The following PRNP variants were observed in gnomAD, a reference collection of about 807,000 sequenced individuals.
PRNP encodes the protein major prion protein.
A neutral mutation model predicts 21.3 loss-of-function variants in PRNP; 15 were observed. The observed-to-expected ratio is 0.71, with a 90% CI of 0.47 to 1.09. PRNP has a LOEUF of 1.09. Ranked by LOEUF, PRNP falls within the 50% of genes least tolerant of loss-of-function variation. The probability of loss-of-function intolerance (pLI) is 0.00; values close to 1 mark genes in which losing one functional copy is unlikely to be tolerated. For synonymous variants in PRNP, 121 were observed against 123.1 expected, an observed-to-expected ratio of 0.98 and a Z score of 0.11; for missense variants, 285 against 340.9, an observed-to-expected ratio of 0.84 and a Z score of 1.29.
rs762782379 is a variant in PRNP at position 4,699,733 on chromosome 20, C to G, written c.513C>G (p.Asn171Lys). 1.9e-6 allele frequency: 3 copies of G among 1,614,006 alleles called. No individual in the cohort carries two copies. Among genetic ancestry groups the G allele is most frequent in the Non-Finnish European group, 2.5e-6 (3 of 1,179,998 alleles). The change falls in exon 2 of 2, where the codon AAC becomes AAG. Residue 171 changes from asparagine (N) to lysine (K), a missense_variant. Asn to Lys is a moderately conservative substitution (Grantham distance 94). Coordinates refer to ENST00000379440, the MANE Select transcript of PRNP (RefSeq NM_000311.5). The surrounding 1 kb of genome is among the most constrained non-coding windows in gnomAD (Gnocchi z 5.8). ...VYYRPMDEYS[N>K]QNNFVHDCVN... ...ACAGGCCCATGGATGAGTACAGCAA[C>G]CAGAACAACTTTGTGCACGACTGCG...
intron 1 of PRNP, among the ~76,000 whole-genome samples, chr20:4,688,480 A>C (rs998617659): frequency 4.6e-5 from 7 of 152,190 alleles, no homozygotes; most frequent in Admixed American, 6.5e-5. Context: ...CAATCTGGTG[A>C]TGCATTAAGA....
rs901644023 is a variant in PRNP, at chr20:4,700,585, G to A, written c.*603G>A. 8.7e-6 allele frequency: 2 copies of A among 230,346 alleles called. No homozygotes were observed. The highest frequency in any genetic ancestry group is 2.3e-5 in the African/African-American group (1 of 42,952). The allele number at this position is 230,346 out of a possible 1,614,324, so 14.3% of individuals were successfully genotyped here. On this transcript the variant is annotated 3_prime_UTR_variant, in exon 2 of 2. Coordinates refer to ENST00000379440, the MANE Select transcript of PRNP (RefSeq NM_000311.5). The surrounding 1 kb of genome is among the most constrained non-coding windows in gnomAD (Gnocchi z 4.1). ...TGATGTTTTACTTTTCACAGTATGG[G>A]CTACACAGCAGCTGTTCAACAAGAG...
intron 1 of PRNP, among the ~76,000 whole-genome samples, chr20:4,689,378 T>C (rs1921678217): frequency 6.6e-6 from 1 of 152,242 alleles, no homozygotes; most frequent in African/African-American, 2.4e-5. Context: ...TGACACCTCA[T>C]TGCATCATCA....
chr20:4,693,994 C>T (rs968057764), intron 1 of PRNP, among the ~76,000 whole-genome samples: 9 of 148,584 alleles, frequency 6.1e-5, no homozygotes, highest in African/African-American at 2.0e-4. Flanking sequence ...CCCAGCTACT[C>T]AGGAGGATCA....
intron 1 of PRNP, among the ~76,000 whole-genome samples, chr20:4,688,689 T>C (rs183265913): frequency 0.02 from 3,025 of 152,296 alleles, 91 homozygotes; most frequent in African/African-American, 0.066. Flanking sequence ...ATGTAACCAC[T>C]AAAAATCATG....
At position 4,699,447 on chromosome 20, in the gene PRNP, C is replaced by G. The variant is rs778667313; in HGVS notation, c.227C>G (p.Pro76Arg). 6.2e-7 allele frequency: 1 copy of G among 1,610,428 alleles called. No individual in the cohort carries two copies. Among genetic ancestry groups the G allele is most frequent in the Non-Finnish European group, 8.5e-7 (1 of 1,178,360 alleles). ...GQPHGGGWGQ[P>R]HGGGWGQPHG... The stretch of plus-strand genomic sequence containing the variant: ...CCTCATGGTGGTGGCTGGGGGCAGC[C>G]CCATGGTGGTGGCTGGGGACAGCCT... Residue 76 changes from proline to arginine, a missense_variant, in exon 2 of 2, where the codon CCC becomes CGC. Pro to Arg is a moderately radical substitution (Grantham distance 103). Coordinates refer to ENST00000379440, the MANE Select transcript of PRNP (RefSeq NM_000311.5). This position sits in a 1 kb window ranked among gnomAD's most constrained non-coding sequence, Gnocchi z 5.8.
intron 1 of PRNP, among the ~76,000 whole-genome samples, chr20:4,694,186 C>G (rs1447555361): frequency 1.3e-5 from 2 of 151,208 alleles, no homozygotes; most frequent in Non-Finnish European, 1.5e-5. Flanking sequence ...TCAGTTCTAG[C>G]CTTCTATTTT....
chr20:4,688,249 G>A (rs1002838123), intron 1 of PRNP, among the ~76,000 whole-genome samples: 1 of 152,176 alleles, frequency 6.6e-6, no homozygotes, highest in Admixed American at 6.5e-5. Context: ...CTTGCTGGAA[G>A]GTTGCCCAAA....
Position 4,697,754 on chromosome 20 carries a change from C to T in PRNP, c.-10-1457C>T, listed in dbSNP as rs1172214978. 6.6e-6 allele frequency among the ~76,000 whole-genome samples: 1 copy of T among 152,178 alleles called. No homozygotes were observed. Among genetic ancestry groups the T allele is most frequent in the East Asian group, 1.9e-4 (1 of 5,206 alleles). On this transcript the variant is annotated intron_variant, in intron 1 of 1. Transcript: ENST00000379440. This position sits in a 1 kb window ranked among gnomAD's most constrained non-coding sequence, Gnocchi z 4.6. ...ATATTAAGAGGAGAGCGCTCAATGGCAGCCAGGGGAGGAGCAGGGAGGCTG... is the reference window on the plus strand; with the variant it reads ...ATATTAAGAGGAGAGCGCTCAATGGTAGCCAGGGGAGGAGCAGGGAGGCTG...
At position 4,699,500 on chromosome 20, in the gene PRNP, G is replaced by A; in HGVS notation, c.280G>A (p.Gly94Ser). 2 of 1,613,808 alleles carry A rather than the reference G, an allele frequency of 1.2e-6. No homozygotes were observed. Among genetic ancestry groups the A allele is most frequent in the Non-Finnish European group, 1.7e-6 (2 of 1,179,890 alleles). The change falls in exon 2 of 2, where the codon GGC becomes AGC. Residue 94 changes from glycine (G) to serine (S), a missense_variant. Transcript: ENST00000379440. The surrounding 1 kb of genome is among the most constrained non-coding windows in gnomAD (Gnocchi z 5.8). Reference protein sequence around the residue: ...PHGGGWGQGGGTHSQWNKPSK... With the variant: ...PHGGGWGQGGSTHSQWNKPSK... ...TGGTGGTGGCTGGGGTCAAGGAGGT[G>A]GCACCCACAGTCAGTGGAACAAGCC...
chr20:4,699,915 T>C lies in PRNP; in HGVS notation c.695T>C (p.Met232Thr). Residue 232 changes from methionine to threonine, a missense_variant, in exon 2 of 2, where the codon ATG (methionine) becomes ACG (threonine). Physicochemically the swap from Met to Thr is moderately conservative, Grantham distance 81. Transcript: ENST00000379440. The surrounding 1 kb of genome is among the most constrained non-coding windows in gnomAD (Gnocchi z 5.8). ...SQAYYQRGSS[M>T]VLFSSPPVIL... ...GCCTATTACCAGAGAGGATCGAGCATGGTCCTCTTCTCCTCTCCACCTGTG... is the reference window on the plus strand; with the variant it reads ...GCCTATTACCAGAGAGGATCGAGCACGGTCCTCTTCTCCTCTCCACCTGTG... 1 of 1,613,938 alleles carries C rather than the reference T, an allele frequency of 6.2e-7. No homozygotes were observed. Among genetic ancestry groups the C allele is most frequent in the Non-Finnish European group, 8.5e-7 (1 of 1,179,922 alleles).
intron 1 of PRNP, among the ~76,000 whole-genome samples, chr20:4,689,220 C>G (rs1921669149): frequency 6.6e-6 from 1 of 152,140 alleles, no homozygotes; most frequent in Non-Finnish European, 1.5e-5. Context: ...TCTAGTTTAG[C>G]TGAACCACAA....
chr20:4,695,938 A>T (rs1922140366), intron 1 of PRNP, among the ~76,000 whole-genome samples: 2 of 152,218 alleles, frequency 1.3e-5, no homozygotes, highest in Non-Finnish European at 2.9e-5. Context: ...GTCAGCACAC[A>T]TCAAGTCCCT....
At position 4,700,286 on chromosome 20, in the gene PRNP, G is replaced by A; in HGVS notation, c.*304G>A. On this transcript the variant is annotated 3_prime_UTR_variant, in exon 2 of 2. Transcript: ENST00000379440. This position sits in a 1 kb window ranked among gnomAD's most constrained non-coding sequence, Gnocchi z 4.1. ...TTTGGACTTAGTGCAACAGGTTGAG[G>A]CTAAAACAAATCTCAGAACAGTCTG... is the stretch of plus-strand genomic sequence containing the variant. 5.4e-6 allele frequency: 4 copies of A among 736,856 alleles called. No homozygotes were observed. The South Asian group carries it at 6.1e-5, about 11-fold the overall frequency. The allele number at this position is 736,856 out of a possible 1,614,324, so 45.6% of individuals were successfully genotyped here.
In PRNP at chr20:4,699,150, G is replaced by T; in HGVS notation, c.-10-61G>T. 4 of 1,588,366 alleles carry T rather than the reference G, an allele frequency of 2.5e-6. No individual in the cohort carries two copies. Among genetic ancestry groups the T allele is most frequent in the Non-Finnish European group, 3.5e-6 (4 of 1,157,750 alleles). ...TGCTATGCACTCATTCATTATGCAG[G>T]AAACATTTAGTAATTTCAACATAAA... On this transcript the variant is annotated intron_variant, in intron 1 of 1. Transcript: ENST00000379440. The surrounding 1 kb of genome is among the most constrained non-coding windows in gnomAD (Gnocchi z 5.8).
rs768562045 is a variant in PRNP at position 4,699,821 on chromosome 20, A to T, written c.601A>T (p.Thr201Ser). Reference sequence around the variant, plus strand: ...CACCAAGGGGGAGAACTTCACCGAGACCGACGTTAAGATGATGGAGCGCGT... The same window carrying T: ...CACCAAGGGGGAGAACTTCACCGAGTCCGACGTTAAGATGATGGAGCGCGT... ...TTTKGENFTE[T>S]DVKMMERVVE... The change falls in exon 2 of 2, where the codon ACC (threonine) becomes TCC (serine). Residue 201 changes from threonine to serine, a missense_variant. Physicochemically the swap from Thr to Ser is moderately conservative, Grantham distance 58. Transcript: ENST00000379440. This position sits in a 1 kb window ranked among gnomAD's most constrained non-coding sequence, Gnocchi z 5.8. 1 of 1,613,956 alleles carries T rather than the reference A, an allele frequency of 6.2e-7. No individual in the cohort carries two copies. The highest frequency in any genetic ancestry group is 1.7e-5 in the Admixed American group (1 of 59,994).
rs1256825777 is a variant in PRNP at position 4,699,212 on chromosome 20, G to A, written c.-9G>A. ...GACGTTCTCCTCTTCATTTTGCAGAGCAGTCATTATGGCGAACCTTGGCTG... is the reference window on the plus strand; with the variant it reads ...GACGTTCTCCTCTTCATTTTGCAGAACAGTCATTATGGCGAACCTTGGCTG... On this transcript the variant is annotated splice_region_variant and 5_prime_UTR_variant, in exon 2 of 2. Coordinates refer to ENST00000379440, the MANE Select transcript of PRNP (RefSeq NM_000311.5). This position sits in a 1 kb window ranked among gnomAD's most constrained non-coding sequence, Gnocchi z 5.8. 6.2e-7 allele frequency: 1 copy of A among 1,613,860 alleles called. No individual in the cohort carries two copies. The highest frequency in any genetic ancestry group is 8.5e-7 in the Non-Finnish European group (1 of 1,180,050).
chr20:4,689,439 G>T (rs1921681436), intron 1 of PRNP, among the ~76,000 whole-genome samples: 2 of 152,236 alleles, frequency 1.3e-5, no homozygotes, highest in African/African-American at 4.8e-5. Context: ...CAGATTTTTA[G>T]AATTATGCTG....
At chr20:4,696,091 C>T (rs1331759572) in intron 1 of PRNP, among the ~76,000 whole-genome samples, 1 of 152,152 alleles carries the variant, frequency 6.6e-6, no homozygotes, top group Non-Finnish European at 1.5e-5. Context: ...AGATTCCCTC[C>T]TCTTTACACT....
Sources: allele counts gnomAD v4.1 joint callset (sites outside exome capture counted in the v4.1 genomes callset), GRCh38; gene constraint gnomAD v4.1.1; non-coding constraint Gnocchi (gnomAD v3.1); transcripts MANE v1.5; gene names NCBI Gene and HGNC (gene_info 2026-07-23, HGNC 2026-07-21).